The following MSI2 variants were observed in gnomAD, a reference collection of about 807,000 sequenced individuals.
The protein encoded by MSI2 is RNA-binding protein Musashi homolog 2.
MSI2 carries 17 observed loss-of-function variants against 45.6 expected under a neutral mutation model. That is an observed-to-expected ratio of 0.37 (90% CI 0.26 to 0.56). MSI2 has a LOEUF of 0.56. Among genes scored for constraint, MSI2 ranks in the 20% least tolerant of loss-of-function variants. The probability of loss-of-function intolerance (pLI) is 0.77; values close to 1 mark genes in which losing one functional copy is unlikely to be tolerated. For missense variants in MSI2, 293 were observed against 444.2 expected, an observed-to-expected ratio of 0.66 and a Z score of 3.06; for synonymous variants, 156 against 158.2, an observed-to-expected ratio of 0.99 and a Z score of 0.11.
chr17:57,533,802 C>T lies in MSI2; in HGVS notation c.454+4078C>T, dbSNP rs115501927. On this transcript the variant is annotated intron_variant, in intron 7 of 13. Transcript: ENST00000284073. ...CCTTGATGCCTGCACGCTGGCCTGT[C>T]ATTGGGTGCAGCCCACCCTGTGAGG... Among the ~76,000 whole-genome samples, 887 of 152,294 alleles carry T rather than the reference C, an allele frequency of 5.8e-3. 12 individuals are homozygous for T. Among genetic ancestry groups the T allele is most frequent in the African/African-American group, 0.019 (800 of 41,570 alleles).
intron 6 of MSI2, among the ~76,000 whole-genome samples, chr17:57,493,512 C>T (rs1156737630): frequency 6.6e-6 from 1 of 151,764 alleles, no homozygotes; most frequent in East Asian, 1.9e-4. Flanking sequence ...AGTCCTTGCC[C>T]AGTGGAGATC....
chr17:57,692,011 C>T, the MSI2 span, among the ~76,000 whole-genome samples: 6 of 152,268 alleles, frequency 3.9e-5, no homozygotes, highest in African/African-American at 1.4e-4. Context: ...CCATCCTATT[C>T]CTACTTTGCT....
chr17:57,495,874 G>A (rs1305398535), intron 6 of MSI2, among the ~76,000 whole-genome samples: 1 of 152,168 alleles, frequency 6.6e-6, no homozygotes, highest in East Asian at 1.9e-4. Context: ...ATGTGGGAAC[G>A]CAGAGCACAA....
intron 6 of MSI2, among the ~76,000 whole-genome samples, chr17:57,439,249 A>G (rs1164047484): frequency 6.6e-6 from 1 of 152,164 alleles, no homozygotes; most frequent in Non-Finnish European, 1.5e-5. Flanking sequence ...GATCAAGCCT[A>G]TGTGATTCAT....
At chr17:57,271,264 G>A (rs187722886) in intron 5 of MSI2, among the ~76,000 whole-genome samples, 18 of 152,222 alleles carry the variant, frequency 1.2e-4, no homozygotes, top group African/African-American at 3.6e-4. Flanking sequence ...TCTCTCAAAC[G>A]TCCTGAAATC....
chr17:57,417,837 A>G (rs2143261979), intron 6 of MSI2, among the ~76,000 whole-genome samples: 1 of 152,342 alleles, frequency 6.6e-6, no homozygotes, highest in Non-Finnish European at 1.5e-5. Context: ...CCACTGGTTG[A>G]AAGTCTGTAT....
At chr17:57,606,858 T>G (rs1598444225) in intron 8 of MSI2, among the ~76,000 whole-genome samples, 5 of 119,904 alleles carry the variant, frequency 4.2e-5, no homozygotes, top group East Asian at 2.3e-4. Flanking sequence ...GAGGGTTGGG[T>G]GGAGAGTGTG....
intron 5 of MSI2, among the ~76,000 whole-genome samples, chr17:57,393,321 A>G (rs2083829138): frequency 6.6e-6 from 1 of 152,240 alleles, no homozygotes; most frequent in Non-Finnish European, 1.5e-5. Context: ...AAAACATTTG[A>G]AATCTGAAAC....
intron 6 of MSI2, among the ~76,000 whole-genome samples, chr17:57,424,465 T>C (rs2084454404): frequency 6.6e-6 from 1 of 152,214 alleles, no homozygotes. Flanking sequence ...AATTCTGACT[T>C]GCGGTTTCCC....
intron 10 of MSI2, among the ~76,000 whole-genome samples, chr17:57,647,749 A>G (rs1362975858): frequency 1.3e-5 from 2 of 151,112 alleles, no homozygotes; most frequent in Admixed American, 6.6e-5. Context: ...GGTTCAAGCA[A>G]TTCTCGTGCC....
chr17:57,272,723 C>T (rs985631806), intron 5 of MSI2, among the ~76,000 whole-genome samples: 3 of 152,162 alleles, frequency 2.0e-5, no homozygotes, highest in African/African-American at 7.2e-5. Context: ...GGCTCAGTTG[C>T]GAACTAGTTT....
rs924112345 is a variant in MSI2 at position 57,622,790 on chromosome 17, TC to T, written c.653-4436del. 5.9e-5 allele frequency among the ~76,000 whole-genome samples: 9 copies of T among 152,330 alleles called. 1 individual carries two copies. Among genetic ancestry groups the T allele is most frequent in the African/African-American group, 2.2e-4 (9 of 41,572 alleles). On this transcript the variant is annotated intron_variant, in intron 9 of 13. Transcript: ENST00000284073. The stretch of plus-strand genomic sequence containing the variant: ...CTCAATTTCGACGGGGATCTGGCTT[TC>T]CCAAAAATATCTGTTTAGGTTATTC...
intron 7 of MSI2, among the ~76,000 whole-genome samples, chr17:57,562,961 G>T (rs949713009): frequency 6.6e-6 from 1 of 151,978 alleles, no homozygotes. Context: ...AGCCAGGTGT[G>T]GTGGCGCATG....
At chr17:57,522,689 A>T (rs2086616462) in intron 6 of MSI2, 1 of 152,144 alleles carries the variant, frequency 6.6e-6, no homozygotes, top group South Asian at 2.1e-4. Flanking sequence ...TCACAGAAGA[A>T]AAACTGAGGA....
Position 57,301,755 on chromosome 17 carries a change from A to C in MSI2, c.312+39563A>C, listed in dbSNP as rs575283569. Among the ~76,000 whole-genome samples the C allele has an allele frequency of 6.2e-5, 9 of 145,906 alleles. No individual in the cohort carries two copies. In the East Asian group the frequency reaches 1.6e-3, roughly 26 times the overall value. ...CGAGTTTAATTTTTGGCTAGCTCAA[A>C]CCGTGCTGCAGCGAATATTCTTGGT... On this transcript the variant is annotated intron_variant, in intron 5 of 13. Transcript: ENST00000284073.
At chr17:57,454,565 T>C (rs2085078545) in intron 6 of MSI2, among the ~76,000 whole-genome samples, 5 of 151,782 alleles carry the variant, frequency 3.3e-5, no homozygotes, top group Admixed American at 1.3e-4. Flanking sequence ...GCCTCCTAAG[T>C]AGCTGGGATT....
intron 5 of MSI2, chr17:57,262,488 T>C: frequency 3.0e-6 from 1 of 337,666 alleles, no homozygotes; most frequent in South Asian, 8.0e-5. Context: ...TTTTTAAGCA[T>C]TTCCAATATC....
intron 5 of MSI2, among the ~76,000 whole-genome samples, chr17:57,353,396 G>T (rs1916182726): frequency 6.6e-6 from 1 of 152,196 alleles, no homozygotes; most frequent in Admixed American, 6.5e-5. Context: ...GGTTTTCTTG[G>T]GGTTGTACTA....
chr17:57,587,851 G>A (rs1237075681), intron 7 of MSI2, among the ~76,000 whole-genome samples: 1 of 152,162 alleles, frequency 6.6e-6, no homozygotes, highest in African/African-American at 2.4e-5. Context: ...TTATCAAGCA[G>A]GGGGAGAAAT....
Sources: allele counts gnomAD v4.1 joint callset (sites outside exome capture counted in the v4.1 genomes callset), GRCh38; gene constraint gnomAD v4.1.1; transcripts MANE v1.5; gene names NCBI Gene and HGNC (gene_info 2026-07-23, HGNC 2026-07-21).